COL14A1: variants seen among roughly 807,000 people sequenced by gnomAD.
COL14A1 encodes the protein collagen alpha-1(XIV) chain.
Under a neutral mutation model 230.3 loss-of-function variants are expected in COL14A1, and 136 were observed. The observed-to-expected ratio is 0.59, with a 90% CI of 0.51 to 0.68. The LOEUF (loss-of-function observed/expected upper bound fraction) is 0.68. Among genes scored for constraint, COL14A1 ranks in the 30% least tolerant of loss-of-function variants. The pLI is 0.00. For missense variants in COL14A1, 1,976 were observed against 2,215.8 expected (o/e 0.89, Z 2.17); for synonymous variants, 792 against 784.1 (o/e 1.01, Z -0.17).
At chr8:120,265,637 A>T (rs1184575782) in intron 24 of COL14A1, among the ~76,000 whole-genome samples, 1 of 148,360 alleles carries the variant, frequency 6.7e-6, no homozygotes, top group Non-Finnish European at 1.5e-5. Context: ...AAAAAGGTAT[A>T]TATATGTGTG....
intron 18 of COL14A1, among the ~76,000 whole-genome samples, chr8:120,230,501 G>T (rs141555673): frequency 6.6e-6 from 1 of 151,588 alleles, no homozygotes; most frequent in African/African-American, 2.4e-5. Flanking sequence ...TCCTAGTTGG[G>T]TCCTGCTTCC....
intron 45 of COL14A1, among the ~76,000 whole-genome samples, chr8:120,349,020 C>T (rs1157263190): frequency 6.6e-6 from 1 of 152,140 alleles, no homozygotes; most frequent in Non-Finnish European, 1.5e-5. Flanking sequence ...GTGGTTCTCC[C>T]AGCACGCAGC....
chr8:120,211,044 C>T (rs1240898651), intron 12 of COL14A1, among the ~76,000 whole-genome samples: 1 of 152,056 alleles, frequency 6.6e-6, no homozygotes, highest in African/African-American at 2.4e-5. Context: ...ACTGTGTATT[C>T]ATAAGCACAC....
intron 40 of COL14A1, among the ~76,000 whole-genome samples, chr8:120,327,232 A>G (rs1821706073): frequency 6.6e-6 from 1 of 152,140 alleles, no homozygotes; most frequent in Non-Finnish European, 1.5e-5. Flanking sequence ...ACCAGCTGCT[A>G]TGGTGCTGAC....
chr8:120,191,389 A>G (rs1412301187), intron 5 of COL14A1, among the ~76,000 whole-genome samples: 12 of 152,200 alleles, frequency 7.9e-5, no homozygotes, highest in Admixed American at 7.8e-4. Context: ...TTCTAATTTG[A>G]TTGCACTATG....
intron 2 of COL14A1, among the ~76,000 whole-genome samples, chr8:120,150,816 G>A (rs1483138361): frequency 3.3e-5 from 5 of 152,010 alleles, no homozygotes; most frequent in South Asian, 2.1e-4. Context: ...AAAGATCAGC[G>A]CAGGAGATTA....
intron 24 of COL14A1, among the ~76,000 whole-genome samples, chr8:120,264,523 A>T (rs1819445830): frequency 6.6e-6 from 1 of 152,164 alleles, no homozygotes; most frequent in Non-Finnish European, 1.5e-5. Context: ...GGCAGTAAAC[A>T]ACCAATAAAA....
chr8:120,361,088 C>T (rs1823195756), intron 45 of COL14A1, among the ~76,000 whole-genome samples: 1 of 152,082 alleles, frequency 6.6e-6, no homozygotes, highest in Non-Finnish European at 1.5e-5. Context: ...TGTCTCTACT[C>T]TCCTACAGGT....
chr8:120,288,105 T>C (rs1389462823), intron 33 of COL14A1, among the ~76,000 whole-genome samples: 1 of 152,056 alleles, frequency 6.6e-6, no homozygotes, highest in Non-Finnish European at 1.5e-5. Flanking sequence ...AACTAAGTTT[T>C]CTAGCACCCA....
intron 14 of COL14A1, among the ~76,000 whole-genome samples, chr8:120,221,795 C>G (rs1284151213): frequency 2.0e-5 from 3 of 152,112 alleles, no homozygotes; most frequent in Non-Finnish European, 4.4e-5. Flanking sequence ...CTCAGGTTTT[C>G]CTTCGGAAAA....
At chr8:120,145,572 G>A (rs1276127505) in intron 1 of COL14A1, among the ~76,000 whole-genome samples, 2 of 152,124 alleles carry the variant, frequency 1.3e-5, no homozygotes, top group African/African-American at 2.4e-5. Flanking sequence ...TGAGCAGATC[G>A]CACCGTTGCA....
intron 5 of COL14A1, among the ~76,000 whole-genome samples, chr8:120,170,951 C>T (rs566469864): frequency 1.3e-5 from 2 of 152,040 alleles, no homozygotes; most frequent in East Asian, 3.9e-4. Context: ...CTCTTACAGT[C>T]ATTGTGTTTT....
intron 23 of COL14A1, 69 bp from the exon 24 acceptor site, chr8:120,262,799 A>T: frequency 1.3e-6 from 2 of 1,489,340 alleles, no homozygotes; most frequent in South Asian, 2.6e-5. Context: ...GAAGCAAATC[A>T]TCTGCCAATG....
At chr8:120,219,471 G>T (rs1464668878) in intron 14 of COL14A1, among the ~76,000 whole-genome samples, 3 of 152,140 alleles carry the variant, frequency 2.0e-5, no homozygotes, top group East Asian at 1.9e-4. Flanking sequence ...TAAGATCAAG[G>T]CACCTGCACC....
At chr8:120,333,993 T>C (rs566236110) in intron 42 of COL14A1, among the ~76,000 whole-genome samples, 37 of 152,304 alleles carry the variant, frequency 2.4e-4, no homozygotes, top group Middle Eastern at 3.4e-3. Flanking sequence ...ATTTGCAAAT[T>C]GCCTTTTGCC....
intron 2 of COL14A1, 47 bp downstream of exon 2, chr8:120,147,977 C>T: frequency 7.7e-7 from 1 of 1,302,010 alleles, no homozygotes; most frequent in Middle Eastern, 1.9e-4. Flanking sequence ...CTCTAGCTTT[C>T]TTGTTTCTGA....
intron 23 of COL14A1, among the ~76,000 whole-genome samples, chr8:120,257,309 C>T (rs184132900): frequency 6.6e-4 from 100 of 152,286 alleles, no homozygotes; most frequent in Admixed American, 6.3e-3. Context: ...TACTTCTCAT[C>T]AACATTTGTT....
At chr8:120,220,398 C>T (rs1317286023) in intron 14 of COL14A1, among the ~76,000 whole-genome samples, 4 of 151,696 alleles carry the variant, frequency 2.6e-5, no homozygotes, top group South Asian at 2.1e-4. Flanking sequence ...CTCAGCCACC[C>T]GAGTAGCTGG....
chr8:120,175,755 T>G (rs986447647), intron 5 of COL14A1, among the ~76,000 whole-genome samples: 18 of 152,202 alleles, frequency 1.2e-4, no homozygotes, highest in African/African-American at 4.1e-4. Context: ...TCAGAAAAAG[T>G]TTGCTTATCT....
Sources: gnomAD v4.1 joint callset for allele counts (sites outside exome capture counted in the v4.1 genomes callset) on GRCh38, gnomAD v4.1.1 for gene constraint, MANE v1.5 for transcripts, NCBI Gene and HGNC (gene_info 2026-07-23, HGNC 2026-07-21) for gene names.